PSMB7: variants seen among roughly 807,000 people sequenced by gnomAD.
PSMB7 encodes proteasome 20S subunit beta 7, also known as proteasome subunit beta type-7.
PSMB7 carries 5 observed loss-of-function variants against 28.1 expected under a neutral mutation model. That is an observed-to-expected ratio of 0.18 (90% CI 0.09 to 0.37). The LOEUF is 0.37. Among genes scored for constraint, PSMB7 ranks in the 10% least tolerant of loss-of-function variants. The probability of loss-of-function intolerance (pLI) is 1.00; values close to 1 mark genes in which losing one functional copy is unlikely to be tolerated. For synonymous variants in PSMB7, 122 were observed against 123.7 expected, an observed-to-expected ratio of 0.99 and a Z score of 0.09; for missense variants, 275 against 346.2, an observed-to-expected ratio of 0.79 and a Z score of 1.63.
intron 5 of PSMB7, among the ~76,000 whole-genome samples, chr9:124,393,211 C>A (rs1264744647): frequency 6.6e-6 from 1 of 152,148 alleles, no homozygotes; most frequent in Non-Finnish European, 1.5e-5. Flanking sequence ...CAGTGGAGCA[C>A]CTCTCACTGC....
chr9:124,409,209 G>C (rs190029782), intron 4 of PSMB7, among the ~76,000 whole-genome samples: 1 of 152,288 alleles, frequency 6.6e-6, no homozygotes, highest in East Asian at 1.9e-4. Context: ...CAGAAGACTG[G>C]AATAACATAC....
At chr9:124,414,075 G>C in intron 2 of PSMB7, 70 bp from the exon 3 acceptor site, 1 of 1,012,478 alleles carries the variant, frequency 9.9e-7, no homozygotes, top group Admixed American at 2.0e-5. Flanking sequence ...TTCTACTTTA[G>C]GGAATACTAT....
chr9:124,358,118 A>G (rs994835119), intron 6 of PSMB7, among the ~76,000 whole-genome samples: 1 of 152,300 alleles, frequency 6.6e-6, no homozygotes, highest in East Asian at 1.9e-4. Context: ...AGTGCACTCC[A>G]GCGCTCACCC....
chr9:124,408,354 T>A lies in PSMB7; in HGVS notation c.396-2922A>T, dbSNP rs188782419. Among the ~76,000 whole-genome samples the A allele has an allele frequency of 6.6e-5, 10 of 152,304 alleles. No individual in the cohort carries two copies. In the East Asian group the frequency reaches 1.9e-3, roughly 29 times the overall value. ...ATACAGGCTAAGGAATTAAATCACATGAGTACCCAAGGCTTCTATGTTCCA... is the reference window on the plus strand; with the variant it reads ...ATACAGGCTAAGGAATTAAATCACAAGAGTACCCAAGGCTTCTATGTTCCA... On this transcript the variant is annotated intron_variant, in intron 4 of 7. Coordinates refer to ENST00000259457, the MANE Select transcript of PSMB7 (RefSeq NM_002799.4).
intron 6 of PSMB7, among the ~76,000 whole-genome samples, chr9:124,358,422 A>G (rs1003114099): frequency 4.6e-5 from 7 of 152,222 alleles, no homozygotes; most frequent in African/African-American, 1.4e-4. Context: ...TGTGGGGCCA[A>G]TGAAGCCAAT....
intron 5 of PSMB7, among the ~76,000 whole-genome samples, chr9:124,399,861 T>C (rs1351172879): frequency 6.6e-6 from 1 of 152,136 alleles, no homozygotes; most frequent in Non-Finnish European, 1.5e-5. Flanking sequence ...GCCCCAGGCC[T>C]CTCACGCCAC....
In PSMB7 at chr9:124,384,595, T is replaced by C. The variant is rs1830700818; in HGVS notation, c.570+3A>G. The C allele has an allele frequency of 6.2e-7, 1 of 1,610,402 alleles. No individual in the cohort carries two copies. The highest frequency in any genetic ancestry group is 1.3e-5 in the African/African-American group (1 of 74,734). Reference sequence around the variant, plus strand: ...AAGAATAAAACTGCAGGGACTTACATACCTCCATGTCTGGCCTAAACTTAT... The same window carrying C: ...AAGAATAAAACTGCAGGGACTTACACACCTCCATGTCTGGCCTAAACTTAT... On this transcript the variant is annotated splice_donor_region_variant and intron_variant, in intron 6 of 7. Coordinates refer to ENST00000259457, the MANE Select transcript of PSMB7 (RefSeq NM_002799.4).
chr9:124,414,036 T>G, intron 2 of PSMB7, 31 bp from the exon 3 acceptor site: 1 of 1,477,190 alleles, frequency 6.8e-7, no homozygotes, highest in Non-Finnish European at 9.3e-7. Context: ...TAAACAATTT[T>G]ACAAATATAA....
intron 5 of PSMB7, among the ~76,000 whole-genome samples, chr9:124,396,361 G>T (rs754943881): frequency 1.3e-5 from 2 of 151,938 alleles, no homozygotes; most frequent in African/African-American, 4.8e-5. Flanking sequence ...GTACTTTAGC[G>T]TAACGATGGC....
intron 5 of PSMB7, among the ~76,000 whole-genome samples, chr9:124,404,178 C>A (rs11791153): frequency 6.6e-6 from 1 of 151,924 alleles, no homozygotes; most frequent in Non-Finnish European, 1.5e-5. Context: ...CATGAGCCAC[C>A]GTGCCTGGCC....
chr9:124,380,731 C>T (rs1830655646), intron 6 of PSMB7, among the ~76,000 whole-genome samples: 1 of 152,076 alleles, frequency 6.6e-6, no homozygotes, highest in Admixed American at 6.5e-5. Flanking sequence ...ATTTGAGTGC[C>T]AAAACCCATT....
At chr9:124,394,855 C>G (rs150303270) in intron 5 of PSMB7, among the ~76,000 whole-genome samples, 1 of 152,178 alleles carries the variant, frequency 6.6e-6, no homozygotes, top group African/African-American at 2.4e-5. Flanking sequence ...TCAACTTTCA[C>G]GGGCTTTTGG....
intron 6 of PSMB7, among the ~76,000 whole-genome samples, chr9:124,366,910 C>A (rs1830513897): frequency 6.6e-6 from 1 of 152,242 alleles, no homozygotes; most frequent in Admixed American, 6.5e-5. Context: ...GAAGGCCAGA[C>A]CATCTAGGTT....
chr9:124,409,909 G>C (rs1831010682), intron 4 of PSMB7, among the ~76,000 whole-genome samples: 1 of 151,584 alleles, frequency 6.6e-6, no homozygotes, highest in South Asian at 2.1e-4. Context: ...TAATTATGCT[G>C]GTTTATATTT....
In PSMB7 at chr9:124,356,028, G is replaced by C. The variant is rs957782117; in HGVS notation, c.722+736C>G. Among the ~76,000 whole-genome samples, 3 of 152,282 alleles carry C rather than the reference G, an allele frequency of 2.0e-5. No individual in the cohort carries two copies. The highest frequency in any genetic ancestry group is 3.9e-4 in the East Asian group (2 of 5,186). On this transcript the variant is annotated intron_variant, in intron 7 of 7. Coordinates refer to ENST00000259457, the MANE Select transcript of PSMB7 (RefSeq NM_002799.4). This position sits in a 1 kb window ranked among gnomAD's most constrained non-coding sequence, Gnocchi z 4.4. ...TTATAAATGCCCTGTGCTGCACCCA[G>C]ATGCTGCAGCTGGAAGCAGCACTCA...
intron 5 of PSMB7, among the ~76,000 whole-genome samples, chr9:124,391,950 G>C (rs1370162641): frequency 6.6e-6 from 1 of 152,210 alleles, no homozygotes; most frequent in Non-Finnish European, 1.5e-5. Flanking sequence ...CCTAAAACCT[G>C]CTGCTTCTAA....
At chr9:124,370,312 C>G (rs930667323) in intron 6 of PSMB7, among the ~76,000 whole-genome samples, 2 of 149,332 alleles carry the variant, frequency 1.3e-5, no homozygotes, top group African/African-American at 2.5e-5. Flanking sequence ...ATTTTTAGAA[C>G]TGTTTTTACT....
intron 5 of PSMB7, among the ~76,000 whole-genome samples, chr9:124,403,132 C>A (rs748089881): frequency 7.9e-5 from 12 of 151,930 alleles, no homozygotes; most frequent in Non-Finnish European, 1.5e-4. Context: ...ACAACCTGTT[C>A]GAATTTCTGG....
At chr9:124,376,941 T>C (rs545031130) in intron 6 of PSMB7, among the ~76,000 whole-genome samples, 4 of 152,290 alleles carry the variant, frequency 2.6e-5, no homozygotes, top group African/African-American at 7.2e-5. Flanking sequence ...TGAAATAATA[T>C]ACCACTGTCT....
Sources: gnomAD v4.1 joint callset for allele counts (sites outside exome capture counted in the v4.1 genomes callset) on GRCh38, gnomAD v4.1.1 for gene constraint, Gnocchi (gnomAD v3.1) non-coding constraint, MANE v1.5 for transcripts, NCBI Gene and HGNC (gene_info 2026-07-23, HGNC 2026-07-21) for gene names.